GADL1: variants seen among roughly 807,000 people sequenced by gnomAD.
GADL1 encodes the protein GAD like acidic amino acid decarboxylase 1, also known as acidic amino acid decarboxylase GADL1.
Under a neutral mutation model 69.5 loss-of-function variants are expected in GADL1, and 71 were observed. That is an observed-to-expected ratio of 1.02 (90% CI 0.84 to 1.25). GADL1 has a LOEUF of 1.25. GADL1 is among the 50% of genes most tolerant of loss of function. The pLI is 0.00. For missense variants in GADL1, 737 were observed against 631.8 expected, an observed-to-expected ratio of 1.17 and a Z score of -1.79; for synonymous variants, 254 against 214.4, an observed-to-expected ratio of 1.18 and a Z score of -1.62.
At position 30,778,242 on chromosome 3, in the gene GADL1, C is replaced by T. The variant is rs778283545; in HGVS notation, c.1329G>A (p.Trp443Ter). ...TCTCTCTGAGGCTCGGTGGAATGTA[C>T]CAAAAGCAAATATTGGCATATTCAG... ...MEPEYANICF[W>*]YIPPSLREME... Residue 443 changes from tryptophan (W) to a stop codon, truncating the protein, a stop_gained, in exon 14 of 15, where the codon TGG (tryptophan) becomes TGA (stop). Transcript: ENST00000282538. LOFTEE classifies it high-confidence loss of function. 2 of 1,611,398 alleles carry T rather than the reference C, an allele frequency of 1.2e-6. No individual in the cohort carries two copies. The highest frequency in any genetic ancestry group is 1.7e-6 in the Non-Finnish European group (2 of 1,178,084).
intron 11 of GADL1, among the ~76,000 whole-genome samples, chr3:30,811,702 G>GA (rs547438893): frequency 2.0e-4 from 30 of 152,026 alleles, no homozygotes; most frequent in Non-Finnish European, 3.2e-4. Context: ...TAATTTAAAG[G>GA]AAAAAAATAA....
chr3:30,884,904 C>G (rs1698683929), intron 1 of GADL1, among the ~76,000 whole-genome samples: 1 of 151,964 alleles, frequency 6.6e-6, no homozygotes, highest in Admixed American at 6.6e-5. Flanking sequence ...AGTGTTGTTT[C>G]TTATCACCTT....
chr3:30,746,528 A>G (rs1286615197), intron 14 of GADL1, among the ~76,000 whole-genome samples: 1 of 152,196 alleles, frequency 6.6e-6, no homozygotes, highest in Non-Finnish European at 1.5e-5. Flanking sequence ...AAACAGCACT[A>G]GGGCTGTGAT....
chr3:30,799,202 T>A (rs1223022485), intron 12 of GADL1: 1 of 152,098 alleles, frequency 6.6e-6, no homozygotes, highest in Non-Finnish European at 1.5e-5. Context: ...TAGCAGAGGG[T>A]CTCCATGAGG....
rs149001308 is a variant in GADL1, at chr3:30,770,521, C to T, written c.1392+7658G>A. 2.2e-4 allele frequency among the ~76,000 whole-genome samples: 33 copies of T among 152,320 alleles called. 1 individual carries two copies. The South Asian group carries it at 6.4e-3, about 30-fold the overall frequency. On this transcript the variant is annotated intron_variant, in intron 14 of 14. Transcript: ENST00000282538. ...ATGAAATGCAGATTTAGCTGTGTTC[C>T]TTGGCCTCATCTCCCATGACTGTCA...
chr3:30,753,947 CACT>C (rs1343827751), intron 14 of GADL1, among the ~76,000 whole-genome samples: 4 of 151,786 alleles, frequency 2.6e-5, no homozygotes, highest in Non-Finnish European at 2.9e-5. Context: ...AAAATGACAT[CACT>C]ACTGTTAGCA....
chr3:30,769,077 C>A (rs553027344), intron 14 of GADL1, among the ~76,000 whole-genome samples: 1 of 152,218 alleles, frequency 6.6e-6, no homozygotes, highest in East Asian at 1.9e-4. Context: ...TCCATGAACT[C>A]AAGTGTGCAA....
intron 12 of GADL1, among the ~76,000 whole-genome samples, chr3:30,796,855 T>TA (rs1214869853): frequency 6.6e-6 from 1 of 152,168 alleles, no homozygotes; most frequent in Non-Finnish European, 1.5e-5. Context: ...TCACAGGTTT[T>TA]TCAAACTACT....
At chr3:30,887,954 G>A (rs933136515) in intron 1 of GADL1, among the ~76,000 whole-genome samples, 1 of 152,188 alleles carries the variant, frequency 6.6e-6, no homozygotes, top group African/African-American at 2.4e-5. Context: ...ACCAAAACCC[G>A]AGGCTGCTCA....
At chr3:30,844,124 C>T in intron 8 of GADL1, 86 bp downstream of exon 8, 7 of 996,684 alleles carry the variant, frequency 7.0e-6, no homozygotes, top group South Asian at 6.1e-5. Context: ...TGCATTCTCT[C>T]CTTGCTATTC....
Position 30,728,200 on chromosome 3 carries a change from T to C in GADL1, c.*42A>G. On this transcript the variant is annotated 3_prime_UTR_variant, in exon 15 of 15. Transcript: ENST00000282538. Reference sequence around the variant, plus strand: ...TCCAAGATGTTCTGGATCTAAACTCTCCCAGGATAGGATCTATGCCTCTGG... The same window carrying C: ...TCCAAGATGTTCTGGATCTAAACTCCCCCAGGATAGGATCTATGCCTCTGG... 1 of 1,552,112 alleles carries C rather than the reference T, an allele frequency of 6.4e-7. No homozygotes were observed. The highest frequency in any genetic ancestry group is 1.1e-5 in the South Asian group (1 of 89,562).
chr3:30,732,721 G>A (rs570568305), intron 14 of GADL1, among the ~76,000 whole-genome samples: 5 of 152,262 alleles, frequency 3.3e-5, no homozygotes, highest in Non-Finnish European at 7.4e-5. Context: ...TTAAGAATTT[G>A]TTATATACTC....
At chr3:30,824,133 T>C (rs1697640953) in intron 11 of GADL1, among the ~76,000 whole-genome samples, 2 of 151,868 alleles carry the variant, frequency 1.3e-5, no homozygotes, top group Admixed American at 6.6e-5. Context: ...ATAAAATTCA[T>C]ATTTGGAACA....
At chr3:30,764,529 CTTG>C (rs748009867) in intron 14 of GADL1, among the ~76,000 whole-genome samples, 10 of 152,110 alleles carry the variant, frequency 6.6e-5, no homozygotes, top group African/African-American at 9.7e-5. Context: ...TACTTGGTCC[CTTG>C]TTATTTTTCT....
rs541614980 is a variant in GADL1, at chr3:30,751,458, C to T, written c.1393-23043G>A. 8.0e-5 allele frequency among the ~76,000 whole-genome samples: 12 copies of T among 150,940 alleles called. No homozygotes were observed. In the South Asian group the frequency reaches 8.4e-4, roughly 11 times the overall value. On this transcript the variant is annotated intron_variant, in intron 14 of 14. Transcript: ENST00000282538. Reference sequence around the variant, plus strand: ...CATTGCTTCTTTTATTCCTTCGTGTCTTCTGTTCAACATTCCGAGAACCTG... The same window carrying T: ...CATTGCTTCTTTTATTCCTTCGTGTTTTCTGTTCAACATTCCGAGAACCTG...
intron 11 of GADL1, among the ~76,000 whole-genome samples, chr3:30,823,778 G>A (rs9818844): frequency 0.54 from 82,005 of 151,744 alleles, 25,919 homozygotes; most frequent in African/African-American, 0.88. Context: ...TCTTAAAAAC[G>A]CCAATAACCT....
At chr3:30,863,486 C>T (rs1698352105) in intron 1 of GADL1, among the ~76,000 whole-genome samples, 1 of 151,972 alleles carries the variant, frequency 6.6e-6, no homozygotes, top group African/African-American at 2.4e-5. Context: ...TAGCCCTCCA[C>T]AAAAATAATT....
chr3:30,772,890 G>A (rs755830268), intron 14 of GADL1, among the ~76,000 whole-genome samples: 2 of 151,970 alleles, frequency 1.3e-5, no homozygotes, highest in Non-Finnish European at 2.9e-5. Context: ...AAACAAAAGC[G>A]AAGTGTAACT....
At chr3:30,874,800 T>A (rs911257309) in intron 1 of GADL1, among the ~76,000 whole-genome samples, 1 of 151,908 alleles carries the variant, frequency 6.6e-6, no homozygotes, top group Non-Finnish European at 1.5e-5. Context: ...ACAACTAAAC[T>A]CACTCTGGTT....
Sources: gnomAD v4.1 joint callset for allele counts (sites outside exome capture counted in the v4.1 genomes callset) on GRCh38, gnomAD v4.1.1 for gene constraint, MANE v1.5 for transcripts, NCBI Gene and HGNC (gene_info 2026-07-23, HGNC 2026-07-21) for gene names.